Variants in ELOVL7 observed in about 807,000 individuals in gnomAD.
ELOVL7 encodes very long chain fatty acid elongase 7.
Under a neutral mutation model 35.7 loss-of-function variants are expected in ELOVL7, and 27 were observed. The ratio of observed to expected loss-of-function variants is 0.76; its 90% CI spans 0.56 to 1.04. ELOVL7 has a LOEUF of 1.04. Ranked by LOEUF, ELOVL7 falls within the 50% of genes least tolerant of loss-of-function variation. The probability of loss-of-function intolerance (pLI) is 0.00; values close to 1 mark genes in which losing one functional copy is unlikely to be tolerated. For synonymous variants in ELOVL7, 113 were observed against 114.6 expected, an observed-to-expected ratio of 0.99 and a Z score of 0.09; for missense variants, 327 against 340.8, an observed-to-expected ratio of 0.96 and a Z score of 0.32.
chr5:60,837,321 GGGA>G (rs1746876439), intron 1 of ELOVL7, among the ~76,000 whole-genome samples: 1 of 120,690 alleles, frequency 8.3e-6, no homozygotes, highest in Non-Finnish European at 1.8e-5. Context: ...GGGGTGGGGG[GGGA>G]GTGGGGGGTG....
intron 4 of ELOVL7, among the ~76,000 whole-genome samples, chr5:60,769,437 C>T (rs569435846): frequency 5.3e-5 from 8 of 152,322 alleles, no homozygotes; most frequent in Admixed American, 3.9e-4. Flanking sequence ...GTGGTCTCTG[C>T]TAGTGTCTGA....
intron 2 of ELOVL7, among the ~76,000 whole-genome samples, chr5:60,789,374 T>C (rs1367553478): frequency 1.3e-5 from 2 of 152,232 alleles, no homozygotes; most frequent in African/African-American, 4.8e-5. Context: ...TAACTAATCA[T>C]ATTTAAATAA....
At chr5:60,835,729 T>C (rs1181775429) in intron 1 of ELOVL7, among the ~76,000 whole-genome samples, 2 of 152,102 alleles carry the variant, frequency 1.3e-5, no homozygotes, top group African/African-American at 4.8e-5. Flanking sequence ...CTGATTTTTT[T>C]AGTTTTCCTG....
intron 1 of ELOVL7, among the ~76,000 whole-genome samples, chr5:60,813,544 T>C (rs1038871327): frequency 6.6e-6 from 1 of 152,104 alleles, no homozygotes. Context: ...TGCCCTCCAA[T>C]GTAAAAATCT....
chr5:60,815,006 C>A (rs1745441120), intron 1 of ELOVL7, among the ~76,000 whole-genome samples: 1 of 152,156 alleles, frequency 6.6e-6, no homozygotes. Context: ...TATAAGAGGA[C>A]CCTAACAAAG....
At chr5:60,829,629 A>G (rs1219284097) in intron 1 of ELOVL7, among the ~76,000 whole-genome samples, 2 of 152,136 alleles carry the variant, frequency 1.3e-5, no homozygotes, top group African/African-American at 2.4e-5. Context: ...CACAGGAGAA[A>G]GACATACTAG....
At chr5:60,799,619 G>A (rs1744469547) in intron 1 of ELOVL7, among the ~76,000 whole-genome samples, 1 of 152,212 alleles carries the variant, frequency 6.6e-6, no homozygotes, top group South Asian at 2.1e-4. Flanking sequence ...ATTAAATCAT[G>A]AAGCGGGAGA....
chr5:60,784,850 GA>G (rs536419551), intron 3 of ELOVL7, among the ~76,000 whole-genome samples: 8 of 152,014 alleles, frequency 5.3e-5, no homozygotes, highest in East Asian at 1.9e-4. Flanking sequence ...CCATGCCTGG[GA>G]AAAAAATTAT....
In ELOVL7 at chr5:60,767,918, ATGCATAT is replaced by A. The variant is rs765402621; in HGVS notation, c.256-22_256-16del. ...GACATCACAAACTGCAAGAGAGCACATGCATATTAAGAAAGGAAAGCATTTTCCCAAC... is the reference window on the plus strand; with the variant it reads ...GACATCACAAACTGCAAGAGAGCACATAAGAAAGGAAAGCATTTTCCCAAC... On this transcript the variant is annotated splice_polypyrimidine_tract_variant and intron_variant, in intron 4 of 8. Transcript: ENST00000508821. 1 of 1,604,112 alleles carries A rather than the reference ATGCATAT, an allele frequency of 6.2e-7. No homozygotes were observed. The highest frequency in any genetic ancestry group is 8.5e-7 in the Non-Finnish European group (1 of 1,171,210).
chr5:60,838,347 T>A (rs1331627175), intron 1 of ELOVL7, among the ~76,000 whole-genome samples: 1 of 152,186 alleles, frequency 6.6e-6, no homozygotes, highest in African/African-American at 2.4e-5. Flanking sequence ...CAGAAGGACT[T>A]CCTGTCTGCC....
chr5:60,767,812 G>C lies in ELOVL7; in HGVS notation c.336+11C>G, dbSNP rs371208705. 6.2e-7 allele frequency: 1 copy of C among 1,608,884 alleles called. No individual in the cohort carries two copies. The highest frequency in any genetic ancestry group is 8.5e-7 in the Non-Finnish European group (1 of 1,175,552). On this transcript the variant is annotated intron_variant, in intron 5 of 8. Coordinates refer to ENST00000508821, the MANE Select transcript of ELOVL7 (RefSeq NM_024930.3). ...ATTTTGAATTTCAAGTTTTTCCAAA[G>C]AGAAACTTACCCTCAAAGCTGTGGG...
chr5:60,797,746 C>T (rs1744351093), intron 2 of ELOVL7, among the ~76,000 whole-genome samples: 1 of 152,098 alleles, frequency 6.6e-6, no homozygotes, highest in African/African-American at 2.4e-5. Context: ...GGTGCAAGTG[C>T]AGTACAAGGA....
At chr5:60,829,197 T>G (rs1746343860) in intron 1 of ELOVL7, among the ~76,000 whole-genome samples, 1 of 152,142 alleles carries the variant, frequency 6.6e-6, no homozygotes, top group Non-Finnish European at 1.5e-5. Flanking sequence ...GAGATGGTTC[T>G]TGTTCCTCAT....
chr5:60,761,968 G>A (rs1450836354), intron 7 of ELOVL7, among the ~76,000 whole-genome samples: 2 of 152,096 alleles, frequency 1.3e-5, no homozygotes, highest in Non-Finnish European at 2.9e-5. Flanking sequence ...GTTAGTTTCT[G>A]CTAGTGTGGA....
chr5:60,802,103 TATATATATATATATAC>T (rs1158975781), intron 1 of ELOVL7, among the ~76,000 whole-genome samples: 1,617 of 13,836 alleles, frequency 0.12, 144 homozygotes, highest in Non-Finnish European at 0.13. Context: ...TATATATATA[TATATATATATATATAC>T]ACACACACAC....
intron 1 of ELOVL7, among the ~76,000 whole-genome samples, chr5:60,820,077 G>A (rs1370375409): frequency 6.6e-6 from 1 of 152,220 alleles, no homozygotes; most frequent in Non-Finnish European, 1.5e-5. Flanking sequence ...GCTCTGGGAT[G>A]GACTGGCCCA....
intron 1 of ELOVL7, among the ~76,000 whole-genome samples, chr5:60,800,975 T>TA (rs1744574914): frequency 6.6e-6 from 1 of 152,220 alleles, no homozygotes; most frequent in African/African-American, 2.4e-5. Context: ...TCACCAAGGC[T>TA]AGAGTGCAGT....
intron 1 of ELOVL7, among the ~76,000 whole-genome samples, chr5:60,835,165 G>A (rs1008168317): frequency 2.0e-5 from 3 of 149,692 alleles, no homozygotes; most frequent in African/African-American, 7.5e-5. Context: ...ACTCCAGCCT[G>A]GGTGACACAG....
intron 1 of ELOVL7, among the ~76,000 whole-genome samples, chr5:60,823,263 A>T (rs1452579237): frequency 6.6e-6 from 1 of 152,010 alleles, no homozygotes; most frequent in Non-Finnish European, 1.5e-5. Flanking sequence ...TCCTCCGAGA[A>T]GGAAAACGGG....
Sources: allele counts gnomAD v4.1 joint callset (sites outside exome capture counted in the v4.1 genomes callset), GRCh38; gene constraint gnomAD v4.1.1; transcripts MANE v1.5; gene names NCBI Gene and HGNC (gene_info 2026-07-23, HGNC 2026-07-21).